Variants in ZC3H18 observed in about 807,000 individuals in gnomAD.
ZC3H18 encodes the protein zinc finger CCCH domain-containing protein 18.
ZC3H18 carries 8 observed loss-of-function variants against 106.1 expected under a neutral mutation model. The ratio of observed to expected loss-of-function variants is 0.08; its 90% CI spans 0.04 to 0.14. ZC3H18 has a LOEUF of 0.14. Among genes scored for constraint, ZC3H18 ranks in the 10% least tolerant of loss-of-function variants. The pLI is 1.00. For synonymous variants in ZC3H18, 635 were observed against 522.1 expected (o/e 1.22, Z -2.95); for missense variants, 1,318 against 1,278.4 (o/e 1.03, Z -0.47).
intron 3 of ZC3H18, 80 bp downstream of exon 3, chr16:88,586,764 A>G: frequency 9.1e-7 from 1 of 1,099,446 alleles, no homozygotes; most frequent in Non-Finnish European, 1.4e-6. Flanking sequence ...TCACCTTGCC[A>G]GGCCCTGCTC....
At chr16:88,590,345 A>G (rs1253755338) in intron 3 of ZC3H18, among the ~76,000 whole-genome samples, 1 of 152,190 alleles carries the variant, frequency 6.6e-6, no homozygotes, top group Non-Finnish European at 1.5e-5. Context: ...TGACAGCAAA[A>G]TGCACTGGGA....
At chr16:88,630,716 G>T in intron 17 of ZC3H18, 135 bp downstream of exon 17, 1 of 686,268 alleles carries the variant, frequency 1.5e-6, no homozygotes, top group Non-Finnish European at 2.4e-6. Flanking sequence ...TGGTCTGACG[G>T]GGTGAGGGGC....
chr16:88,598,774 A>G (rs2142676884), intron 5 of ZC3H18, 62 bp downstream of exon 5: 2 of 1,499,066 alleles, frequency 1.3e-6, no homozygotes, highest in South Asian at 1.2e-5. Context: ...GGTTCTTGAC[A>G]AAACTGGGAT....
At chr16:88,618,518 T>C (rs542600754) in intron 8 of ZC3H18, among the ~76,000 whole-genome samples, 3 of 152,152 alleles carry the variant, frequency 2.0e-5, no homozygotes, top group African/African-American at 4.8e-5. Flanking sequence ...GCTGCTGGGG[T>C]TGGAGTTTCT....
intron 16 of ZC3H18, 62 bp from the exon 17 acceptor site, chr16:88,630,423 C>G: frequency 7.2e-7 from 1 of 1,394,786 alleles, no homozygotes; most frequent in Non-Finnish European, 1.0e-6. Flanking sequence ...ATCGGTGAGG[C>G]CACCCACACA....
intron 2 of ZC3H18, among the ~76,000 whole-genome samples, chr16:88,584,296 C>T (rs1169006141): frequency 2.6e-5 from 4 of 152,006 alleles, no homozygotes; most frequent in Non-Finnish European, 5.9e-5. Context: ...ATGTCGGGCA[C>T]CTGTAATCCC....
intron 6 of ZC3H18, among the ~76,000 whole-genome samples, chr16:88,602,082 A>G (rs1904777081): frequency 6.6e-6 from 1 of 152,250 alleles, no homozygotes; most frequent in Non-Finnish European, 1.5e-5. Context: ...CTGCAAGTGC[A>G]GATGTCCTGG....
chr16:88,628,567 C>A, intron 15 of ZC3H18, 191 bp from the exon 16 acceptor site: 2 of 612,766 alleles, frequency 3.3e-6, no homozygotes, highest in South Asian at 3.9e-5. Context: ...TGAAGGGCCC[C>A]AAGTGCACAG....
intron 10 of ZC3H18, 99 bp downstream of exon 10, chr16:88,623,443 A>G: frequency 6.7e-7 from 1 of 1,491,230 alleles, no homozygotes; most frequent in Non-Finnish European, 9.0e-7. Flanking sequence ...CCCTTGGGGT[A>G]TTGAAGGTCC....
At position 88,631,447 on chromosome 16, in the gene ZC3H18, C is replaced by T. The variant is rs1414964712; in HGVS notation, c.*148C>T. The T allele has an allele frequency of 1.8e-6, 2 of 1,109,654 alleles. No individual in the cohort carries two copies. Among genetic ancestry groups the T allele is most frequent in the Non-Finnish European group, 2.6e-6 (2 of 778,312 alleles). The allele number at this position is 1,109,654 out of a possible 1,614,324, so 68.7% of individuals were successfully genotyped here. The stretch of plus-strand genomic sequence containing the variant: ...TTTCTCAGCTGGAAAAGAAGCCACA[C>T]AGGAAATGACAACGACGCTGAATCC... On this transcript the variant is annotated 3_prime_UTR_variant, in exon 18 of 18. Coordinates refer to ENST00000301011, the MANE Select transcript of ZC3H18 (RefSeq NM_144604.4).
chr16:88,630,468 C>A lies in ZC3H18; in HGVS notation c.2567-17C>A. On this transcript the variant is annotated splice_polypyrimidine_tract_variant and intron_variant, in intron 16 of 17. Coordinates refer to ENST00000301011, the MANE Select transcript of ZC3H18 (RefSeq NM_144604.4). ...TGTACATCAGGAGGGTGGTCTCACT[C>A]TGTACCTATCACCCAGGTTCTCGGG... 6.2e-7 allele frequency: 1 copy of A among 1,608,606 alleles called. No homozygotes were observed. Among genetic ancestry groups the A allele is most frequent in the Non-Finnish European group, 8.5e-7 (1 of 1,176,852 alleles).
intron 3 of ZC3H18, among the ~76,000 whole-genome samples, chr16:88,591,588 G>GAT (rs1233174748): frequency 6.6e-6 from 1 of 151,568 alleles, no homozygotes; most frequent in African/African-American, 2.4e-5. Flanking sequence ...AAAAAAAAAA[G>GAT]ATTGACCAAT....
chr16:88,619,157 G>A (rs142913813), intron 8 of ZC3H18, among the ~76,000 whole-genome samples: 32 of 152,240 alleles, frequency 2.1e-4, no homozygotes, highest in African/African-American at 6.0e-4. Context: ...TCAAAGTGCA[G>A]TGGAGATAAT....
At chr16:88,598,853 A>C (rs1904594229) in intron 5 of ZC3H18, 141 bp downstream of exon 5, 1 of 707,114 alleles carries the variant, frequency 1.4e-6, no homozygotes, top group Non-Finnish European at 2.2e-6. Flanking sequence ...GTCTTTCTTT[A>C]TTTTTTATTT....
intron 1 of ZC3H18, among the ~76,000 whole-genome samples, chr16:88,573,964 C>A (rs913284029): frequency 1.3e-5 from 2 of 151,830 alleles, no homozygotes; most frequent in South Asian, 2.1e-4. Context: ...CCTCCGCCCC[C>A]CCGAGTTCAA....
chr16:88,590,644 C>G (rs1167763715), intron 3 of ZC3H18, among the ~76,000 whole-genome samples: 1 of 137,846 alleles, frequency 7.3e-6, no homozygotes, highest in East Asian at 2.2e-4. Flanking sequence ...CTCGTTGGAA[C>G]CTCCACCTGG....
rs761065410 is a variant in ZC3H18, at chr16:88,631,095, T to A, written c.2664-6T>A. 6.2e-6 allele frequency: 10 copies of A among 1,611,386 alleles called. No individual in the cohort carries two copies. In the East Asian group the frequency reaches 2.2e-4, roughly 36 times the overall value. Reference sequence around the variant, plus strand: ...GGGGCTCAAGGTCTTCCCCACCCCCTTGTAGGAAGCGCCAGCTGTCACCCC... The same window carrying A: ...GGGGCTCAAGGTCTTCCCCACCCCCATGTAGGAAGCGCCAGCTGTCACCCC... On this transcript the variant is annotated splice_polypyrimidine_tract_variant and splice_region_variant and intron_variant, in intron 17 of 17. Coordinates refer to ENST00000301011, the MANE Select transcript of ZC3H18 (RefSeq NM_144604.4).
intron 1 of ZC3H18, among the ~76,000 whole-genome samples, chr16:88,571,190 C>T (rs954942370): frequency 2.6e-5 from 4 of 152,232 alleles, no homozygotes; most frequent in Admixed American, 6.5e-5. Flanking sequence ...AACAGCCTTA[C>T]TCCTGCCAAA....
chr16:88,573,266 T>A (rs928502293), intron 1 of ZC3H18, among the ~76,000 whole-genome samples: 1 of 152,032 alleles, frequency 6.6e-6, no homozygotes, highest in Admixed American at 6.6e-5. Flanking sequence ...GTGAACTACC[T>A]GCCCTTCTAT....
Sources: allele counts gnomAD v4.1 joint callset (sites outside exome capture counted in the v4.1 genomes callset), GRCh38; gene constraint gnomAD v4.1.1; transcripts MANE v1.5; gene names NCBI Gene and HGNC (gene_info 2026-07-23, HGNC 2026-07-21).